Variants in GLRB observed in about 807,000 individuals in gnomAD.
The protein encoded by GLRB is glycine receptor beta.
GLRB carries 33 observed loss-of-function variants against 54.2 expected under a neutral mutation model. That is an observed-to-expected ratio of 0.61 (90% confidence interval 0.46 to 0.81). GLRB has a LOEUF of 0.81. GLRB is among the 40% of genes least tolerant of loss of function. GLRB has a pLI of 0.00. For missense variants in GLRB, 572 were observed against 584.6 expected, an observed-to-expected ratio of 0.98 and a Z score of 0.22; for synonymous variants, 209 against 208.2, an observed-to-expected ratio of 1.00 and a Z score of -0.03.
intron 9 of GLRB, among the ~76,000 whole-genome samples, chr4:157,160,496 G>A (rs1001529154): frequency 2.6e-5 from 4 of 151,928 alleles, no homozygotes; most frequent in African/African-American, 4.8e-5. Flanking sequence ...TCTACACACT[G>A]CTTTAAATGT....
chr4:157,082,964 T>A (rs575800102), intron 2 of GLRB, among the ~76,000 whole-genome samples: 4,296 of 139,604 alleles, frequency 0.031, 76 homozygotes, highest in Non-Finnish European at 0.046. Context: ...GAATAGTGTT[T>A]TATATATATA....
intron 8 of GLRB, among the ~76,000 whole-genome samples, chr4:157,144,666 G>C (rs1434115282): frequency 6.6e-6 from 1 of 152,046 alleles, no homozygotes. Flanking sequence ...TTATTACTGT[G>C]TGTCTGTGTG....
At chr4:157,167,756 T>C (rs1737766754) in intron 9 of GLRB, among the ~76,000 whole-genome samples, 1 of 151,932 alleles carries the variant, frequency 6.6e-6, no homozygotes, top group Admixed American at 6.6e-5. Flanking sequence ...AGAAAATGGG[T>C]TTATTTGGCT....
intron 2 of GLRB, among the ~76,000 whole-genome samples, chr4:157,120,270 T>C (rs1238594899): frequency 6.8e-6 from 1 of 147,486 alleles, no homozygotes. Flanking sequence ...CTTTAGGAGA[T>C]ATACCTAATG....
In GLRB at chr4:157,092,740, G is replaced by A. The variant is rs73856824; in HGVS notation, c.122+14594G>A. Among the ~76,000 whole-genome samples, 1,054 of 152,224 alleles carry A rather than the reference G, an allele frequency of 6.9e-3. 8 individuals carry two copies. Among genetic ancestry groups the A allele is most frequent in the African/African-American group, 0.023 (947 of 41,520 alleles). On this transcript the variant is annotated intron_variant, in intron 2 of 9. Transcript: ENST00000264428. Reference sequence around the variant, plus strand: ...TGTACTGCAAGCAGCATCATTCAGCGTTCATATATAAAGAACGTAGGATGT... The same window carrying A: ...TGTACTGCAAGCAGCATCATTCAGCATTCATATATAAAGAACGTAGGATGT...
At chr4:157,113,583 C>T (rs1195128136) in intron 2 of GLRB, among the ~76,000 whole-genome samples, 3 of 151,890 alleles carry the variant, frequency 2.0e-5, no homozygotes, top group African/African-American at 7.2e-5. Context: ...AGTATCTCTC[C>T]AGATAGTTGC....
chr4:157,163,829 A>AGT (rs3054934), intron 9 of GLRB, among the ~76,000 whole-genome samples: 1,749 of 146,362 alleles, frequency 0.012, 33 homozygotes, highest in Admixed American at 0.052. Flanking sequence ...TGTCTGTGTG[A>AGT]GTGTGTGTGT....
chr4:157,136,853 G>A lies in GLRB; in HGVS notation c.577G>A (p.Asp193Asn). The change falls in exon 6 of 10, where the codon GAT becomes AAT. Residue 193 changes from aspartate (D) to asparagine (N), a missense_variant. Physicochemically the swap from Asp to Asn is conservative, Grantham distance 23 (BLOSUM62 1). Transcript: ENST00000264428. Reference protein sequence around the residue: ...CPLDLTLFPMDTQRCKMQLES... With the variant: ...CPLDLTLFPMNTQRCKMQLES... Reference sequence around the variant, plus strand: ...TTTGGACTTGACATTGTTTCCCATGGATACACAACGTTGCAAGATGCAACT... The same window carrying A: ...TTTGGACTTGACATTGTTTCCCATGAATACACAACGTTGCAAGATGCAACT... The A allele has an allele frequency of 6.2e-7, 1 of 1,609,922 alleles. No individual in the cohort carries two copies. Among genetic ancestry groups the A allele is most frequent in the South Asian group, 1.1e-5 (1 of 90,984 alleles).
At chr4:157,079,924 C>G (rs1386278416) in intron 2 of GLRB, among the ~76,000 whole-genome samples, 5 of 152,274 alleles carry the variant, frequency 3.3e-5, no homozygotes, top group South Asian at 4.1e-4. Flanking sequence ...ATCAAGCCAT[C>G]TTGGGTTTCT....
chr4:157,152,538 A>G (rs1300894183), intron 8 of GLRB, among the ~76,000 whole-genome samples, 180 bp from the exon 9 acceptor site: 1 of 152,200 alleles, frequency 6.6e-6, no homozygotes, highest in Non-Finnish European at 1.5e-5. Flanking sequence ...CATAGTCAAT[A>G]GTCCTTACAG....
intron 9 of GLRB, among the ~76,000 whole-genome samples, chr4:157,169,839 T>C (rs892641718): frequency 6.6e-6 from 1 of 152,108 alleles, no homozygotes; most frequent in Non-Finnish European, 1.5e-5. Context: ...TGAGCGTGAT[T>C]GGTTAAGTTC....
intron 9 of GLRB, among the ~76,000 whole-genome samples, chr4:157,164,920 A>G (rs1024399621): frequency 1.3e-5 from 2 of 152,290 alleles, no homozygotes; most frequent in Admixed American, 6.5e-5. Context: ...AGTTAAACAC[A>G]TATAAGAACT....
chr4:157,141,862 T>A (rs11938201), intron 7 of GLRB, among the ~76,000 whole-genome samples: 1 of 152,078 alleles, frequency 6.6e-6, no homozygotes, highest in Non-Finnish European at 1.5e-5. Context: ...TGCTCCAAAT[T>A]GCAGGACTCA....
intron 9 of GLRB, among the ~76,000 whole-genome samples, chr4:157,167,195 A>G (rs1320104516): frequency 1.3e-5 from 2 of 152,164 alleles, no homozygotes; most frequent in Non-Finnish European, 2.9e-5. Context: ...GGGGAATTCT[A>G]AAGGGAGAAA....
intron 4 of GLRB, among the ~76,000 whole-genome samples, chr4:157,127,998 G>C (rs2126546658): frequency 6.6e-6 from 1 of 151,864 alleles, no homozygotes; most frequent in African/African-American, 2.4e-5. Flanking sequence ...TTTTCCTTCT[G>C]AATTCTGCTG....
At chr4:157,091,633 T>C (rs1476071042) in intron 2 of GLRB, among the ~76,000 whole-genome samples, 23 of 152,232 alleles carry the variant, frequency 1.5e-4, no homozygotes. Context: ...AGCCTGTGGC[T>C]GTGGACCACA....
chr4:157,122,425 G>C (rs1442369814), intron 4 of GLRB, 28 bp downstream of exon 4: 1 of 872,998 alleles, frequency 1.1e-6, no homozygotes, highest in Middle Eastern at 2.3e-4. Context: ...TTAATATTTT[G>C]TCAAATATTT....
chr4:157,101,601 G>A (rs572238148), intron 2 of GLRB, among the ~76,000 whole-genome samples: 1 of 152,096 alleles, frequency 6.6e-6, no homozygotes, highest in East Asian at 1.9e-4. Flanking sequence ...ATTGCCTACT[G>A]TTTTGTGGTG....
intron 3 of GLRB, among the ~76,000 whole-genome samples, chr4:157,121,966 T>G (rs1286250006): frequency 1.3e-5 from 2 of 151,520 alleles, no homozygotes; most frequent in African/African-American, 4.8e-5. Context: ...GAAACCCTGT[T>G]TTCAAAATGA....
Sources: gnomAD v4.1 joint callset for allele counts (sites outside exome capture counted in the v4.1 genomes callset) on GRCh38, gnomAD v4.1.1 for gene constraint, MANE v1.5 for transcripts, NCBI Gene and HGNC (gene_info 2026-07-23, HGNC 2026-07-21) for gene names.